Variants in TAFA5 observed in about 807,000 individuals in gnomAD.
TAFA5 encodes chemokine-like protein TAFA-5.
TAFA5 carries 6 observed loss-of-function variants against 15.3 expected under a neutral mutation model. The observed-to-expected ratio is 0.39, with a 90% CI of 0.21 to 0.77. The LOEUF (loss-of-function observed/expected upper bound fraction) is 0.77. Among genes scored for constraint, TAFA5 ranks in the 30% least tolerant of loss-of-function variants. The pLI is 0.41. For synonymous variants in TAFA5, 103 were observed against 80.7 expected (o/e 1.28, Z -1.48); for missense variants, 161 against 193.1 (o/e 0.83, Z 0.98).
At chr22:48,744,472 A>G (rs929719181) in intron 3 of TAFA5, among the ~76,000 whole-genome samples, 1 of 152,168 alleles carries the variant, frequency 6.6e-6, no homozygotes, top group Non-Finnish European at 1.5e-5. Context: ...TCCCCAGGCC[A>G]TGACCCGTGT....
chr22:48,693,503 C>T (rs1337250175), intron 2 of TAFA5: 7 of 1,529,460 alleles, frequency 4.6e-6, no homozygotes, highest in Non-Finnish European at 3.5e-6. Flanking sequence ...CCTGAGGTCC[C>T]AGAGGAGACC....
At chr22:48,638,386 C>G (rs1169553582) in intron 1 of TAFA5, among the ~76,000 whole-genome samples, 1 of 109,456 alleles carries the variant, frequency 9.1e-6, no homozygotes, top group African/African-American at 3.6e-5. Flanking sequence ...CCTGGGACAC[C>G]GCACACAGGG....
At chr22:48,521,532 C>A (rs1921600246) in intron 1 of TAFA5, among the ~76,000 whole-genome samples, 1 of 152,112 alleles carries the variant, frequency 6.6e-6, no homozygotes, top group South Asian at 2.1e-4. Flanking sequence ...CATTAGTCAT[C>A]ATTAAGCTGG....
intron 1 of TAFA5, among the ~76,000 whole-genome samples, chr22:48,549,364 G>A (rs997452358): frequency 6.6e-6 from 1 of 152,214 alleles, no homozygotes; most frequent in Non-Finnish European, 1.5e-5. Flanking sequence ...GAATCCATTC[G>A]CCACCAGGCA....
chr22:48,644,961 ATCTCTGATGCTG>A, intron 1 of TAFA5, among the ~76,000 whole-genome samples: 1 of 152,206 alleles, frequency 6.6e-6, no homozygotes, highest in Non-Finnish European at 1.5e-5. Context: ...GAGTCCGTGC[ATCTCTGATGCTG>A]CGGCCATCTC....
At chr22:48,630,718 G>A (rs1926191470) in intron 1 of TAFA5, among the ~76,000 whole-genome samples, 1 of 152,208 alleles carries the variant, frequency 6.6e-6, no homozygotes, top group South Asian at 2.1e-4. Context: ...CAGGCTGCAG[G>A]GCTGGCTACC....
chr22:48,677,808 C>T (rs113906136), intron 2 of TAFA5, among the ~76,000 whole-genome samples: 4,427 of 152,262 alleles, frequency 0.029, 222 homozygotes, highest in African/African-American at 0.1. Context: ...CACCCAAGCA[C>T]AGCTACAGGC....
intron 1 of TAFA5, among the ~76,000 whole-genome samples, chr22:48,547,867 T>C (rs547890808): frequency 6.6e-6 from 1 of 152,308 alleles, no homozygotes; most frequent in African/African-American, 2.4e-5. Context: ...AGGTTGGAAA[T>C]GTCACCGTTA....
intron 2 of TAFA5, among the ~76,000 whole-genome samples, chr22:48,688,041 A>G (rs1433375721): frequency 1.3e-5 from 2 of 151,988 alleles, no homozygotes; most frequent in Non-Finnish European, 2.9e-5. Flanking sequence ...TCTTAATGAA[A>G]TAATGAAACA....
At chr22:48,511,175 A>G (rs6007874) in intron 1 of TAFA5, among the ~76,000 whole-genome samples, 32,848 of 152,222 alleles carry the variant, frequency 0.22, 3,542 homozygotes, top group African/African-American at 0.25. Flanking sequence ...CCAGACCCCA[A>G]TGACTCCCCT....
At chr22:48,721,447 CA>C (rs1929568263) in intron 3 of TAFA5, among the ~76,000 whole-genome samples, 1 of 152,230 alleles carries the variant, frequency 6.6e-6, no homozygotes, top group African/African-American at 2.4e-5. Context: ...GAACCGGTGC[CA>C]CTGTCTGATT....
chr22:48,650,447 G>A (rs1312137142), intron 2 of TAFA5, among the ~76,000 whole-genome samples: 2 of 152,170 alleles, frequency 1.3e-5, no homozygotes, highest in Non-Finnish European at 2.9e-5. Flanking sequence ...AATTCAGACT[G>A]GGGCCCCAGA....
At chr22:48,529,274 T>A (rs1433469446) in intron 1 of TAFA5, among the ~76,000 whole-genome samples, 6 of 48,586 alleles carry the variant, frequency 1.2e-4, no homozygotes, top group Middle Eastern at 0.021. Context: ...GAGATGAGGG[T>A]GTCAGACAGG....
chr22:48,621,410 G>C (rs2147182405), intron 1 of TAFA5, among the ~76,000 whole-genome samples: 1 of 151,858 alleles, frequency 6.6e-6, no homozygotes, highest in Admixed American at 6.5e-5. Flanking sequence ...TCCATCCATG[G>C]CATCAGCAGA....
At chr22:48,544,694 G>T (rs78011702) in intron 1 of TAFA5, 13,793 of 471,250 alleles carry the variant, frequency 0.029, 754 homozygotes, top group African/African-American at 0.16. Context: ...GTGTCCCTGC[G>T]TGCCCGCAGA....
At chr22:48,506,201 G>A (rs1454039399) in intron 1 of TAFA5, among the ~76,000 whole-genome samples, 1 of 152,156 alleles carries the variant, frequency 6.6e-6, no homozygotes, top group Non-Finnish European at 1.5e-5. Context: ...TTCACCCCTG[G>A]TCTCCATGAC....
intron 1 of TAFA5, among the ~76,000 whole-genome samples, chr22:48,601,490 CGAATTTTTGCATTTTTAGTA>C (rs1924972291): frequency 6.6e-6 from 1 of 151,928 alleles, no homozygotes; most frequent in Non-Finnish European, 1.5e-5. Context: ...CCATGCCCGG[CGAATTTTTGCATTTTTAGTA>C]GAGACAGGGT....
At chr22:48,674,009 C>CACCTCACATCTGGACTCCTCTTCGCCT (rs1569074103) in intron 2 of TAFA5, among the ~76,000 whole-genome samples, 7 of 151,606 alleles carry the variant, frequency 4.6e-5, no homozygotes, top group Admixed American at 1.3e-4. Context: ...ACTTTTTGCC[C>CACCTCACATCTGGACTCCTCTTCGCCT]GCCTCACATC....
rs971910666 is a variant in TAFA5 at position 48,600,819 on chromosome 22, C to T, written c.113-45778C>T. 2.0e-5 allele frequency among the ~76,000 whole-genome samples: 3 copies of T among 152,312 alleles called. No homozygotes were observed. In the East Asian group the frequency reaches 5.8e-4, roughly 29 times the overall value. On this transcript the variant is annotated intron_variant, in intron 1 of 3. Transcript: ENST00000402357. Reference sequence around the variant, plus strand: ...CATCAGACTCAAGCCATAGCTGCTGCGTACCCACTGGTCACTTGGGAGCCA... The same window carrying T: ...CATCAGACTCAAGCCATAGCTGCTGTGTACCCACTGGTCACTTGGGAGCCA...
Sources: allele counts gnomAD v4.1 joint callset (sites outside exome capture counted in the v4.1 genomes callset), GRCh38; gene constraint gnomAD v4.1.1; transcripts MANE v1.5; gene names NCBI Gene and HGNC (gene_info 2026-07-23, HGNC 2026-07-21).